The following DIS3L2 variants were observed in gnomAD, a reference collection of about 807,000 sequenced individuals.
The protein encoded by DIS3L2 is DIS3-like exonuclease 2.
Under a neutral mutation model 97.5 loss-of-function variants are expected in DIS3L2, and 34 were observed. The ratio of observed to expected loss-of-function variants is 0.35; its 90% confidence interval spans 0.27 to 0.46. The LOEUF (loss-of-function observed/expected upper bound fraction) is 0.46, where lower values mean the gene tolerates loss of function less well. Ranked by LOEUF, DIS3L2 falls within the 20% of genes least tolerant of loss-of-function variation. The pLI is 1.00. For missense variants in DIS3L2, 1,038 were observed against 1,146.0 expected (o/e 0.91, Z 1.36); for synonymous variants, 435 against 445.2 (o/e 0.98, Z 0.29).
At chr2:232,154,468 GGT>G (rs2106368709) in intron 8 of DIS3L2, among the ~76,000 whole-genome samples, 1 of 28,202 alleles carries the variant, frequency 3.5e-5, no homozygotes, top group East Asian at 9.4e-4. Flanking sequence ...TGCCGTGTGA[GGT>G]GTCAGTGTGC....
Position 232,276,651 on chromosome 2 carries a change from A to G in DIS3L2, c.1659+13211A>G, listed in dbSNP as rs891737689. 2.6e-5 allele frequency among the ~76,000 whole-genome samples: 4 copies of G among 152,146 alleles called. No homozygotes were observed. Among genetic ancestry groups the G allele is most frequent in the African/African-American group, 9.7e-5 (4 of 41,424 alleles). ...ACCAGCTTCCAGTCAATGACTGTTTATTTGAACATCTCCTGCGCAACAAGA... is the reference window on the plus strand; with the variant it reads ...ACCAGCTTCCAGTCAATGACTGTTTGTTTGAACATCTCCTGCGCAACAAGA... On this transcript the variant is annotated intron_variant, in intron 13 of 20. Transcript: ENST00000325385. This position sits in a 1 kb window ranked among gnomAD's most constrained non-coding sequence, Gnocchi z 4.4.
intron 20 of DIS3L2, chr2:232,336,091 AGAG>A: frequency 6.5e-7 from 1 of 1,543,304 alleles, no homozygotes; most frequent in East Asian, 2.5e-5. Flanking sequence ...CACAGTGGAG[AGAG>A]GAGGGGCTCT....
At chr2:232,061,640 C>G (rs1373517169) in intron 5 of DIS3L2, among the ~76,000 whole-genome samples, 1 of 152,174 alleles carries the variant, frequency 6.6e-6, no homozygotes, top group African/African-American at 2.4e-5. Flanking sequence ...GGCAGCCAGT[C>G]TAGCCTCAGA....
At chr2:232,089,250 G>C (rs967204913) in intron 6 of DIS3L2, among the ~76,000 whole-genome samples, 1 of 152,192 alleles carries the variant, frequency 6.6e-6, no homozygotes, top group Non-Finnish European at 1.5e-5. Context: ...TGACTGAAGA[G>C]GCTACTACTT....
chr2:232,048,710 G>A (rs1455122933), intron 5 of DIS3L2, among the ~76,000 whole-genome samples: 1 of 151,088 alleles, frequency 6.6e-6, no homozygotes, highest in Non-Finnish European at 1.5e-5. Context: ...CAGCCTGGGC[G>A]ATAGAGCAAG....
At chr2:232,330,109 G>A (rs1177625389) in intron 15 of DIS3L2, 113 bp downstream of exon 15, 1 of 1,321,998 alleles carries the variant, frequency 7.6e-7, no homozygotes, top group African/African-American at 1.5e-5. Context: ...CTCCCCTTCA[G>A]CCAGGTCTCT....
At chr2:232,248,515 T>C (rs550921343) in intron 11 of DIS3L2, among the ~76,000 whole-genome samples, 1 of 152,154 alleles carries the variant, frequency 6.6e-6, no homozygotes, top group South Asian at 2.1e-4. Flanking sequence ...ACAAGTAATA[T>C]TTTGGGACAA....
chr2:232,213,532 A>G (rs556427448), intron 10 of DIS3L2, among the ~76,000 whole-genome samples: 4 of 152,146 alleles, frequency 2.6e-5, no homozygotes, highest in East Asian at 1.9e-4. Context: ...TCCAGTTTGG[A>G]TTGGGGTGAG....
intron 6 of DIS3L2, among the ~76,000 whole-genome samples, chr2:232,105,076 C>A (rs372257742): frequency 1.3e-5 from 2 of 152,148 alleles, no homozygotes; most frequent in African/African-American, 2.4e-5. Context: ...CCCTGGCCCC[C>A]CAAAGTGCTG....
chr2:232,029,884 T>C, intron 4 of DIS3L2, 95 bp from the exon 5 acceptor site: 1 of 844,474 alleles, frequency 1.2e-6, no homozygotes, highest in Non-Finnish European at 1.9e-6. Flanking sequence ...AAGAATAACT[T>C]GCTGTTTTCT....
chr2:232,329,588 G>A, intron 14 of DIS3L2: 1 of 441,756 alleles, frequency 2.3e-6, no homozygotes, highest in Non-Finnish European at 4.0e-6. Flanking sequence ...GAGCTAACCA[G>A]TCAGAGGAGA....
intron 8 of DIS3L2, among the ~76,000 whole-genome samples, chr2:232,155,123 A>G (rs970561802): frequency 4.0e-5 from 6 of 150,518 alleles, no homozygotes; most frequent in African/African-American, 1.2e-4. Flanking sequence ...AGTGAGATGA[A>G]CCCGGTACCT....
At chr2:232,023,644 G>A (rs1694578399) in intron 3 of DIS3L2, among the ~76,000 whole-genome samples, 2 of 152,124 alleles carry the variant, frequency 1.3e-5, no homozygotes, top group Non-Finnish European at 2.9e-5. Flanking sequence ...CCCTGATTTG[G>A]TGCTGGAATA....
intron 20 of DIS3L2, chr2:232,336,188 TTGTC>T (rs1001604417): frequency 7.2e-6 from 11 of 1,532,130 alleles, no homozygotes; most frequent in Admixed American, 2.0e-5. Flanking sequence ...ACCCAAGAAA[TTGTC>T]TGGAACCGTT....
chr2:232,331,949 A>T (rs1304705543), intron 16 of DIS3L2: 1 of 152,306 alleles, frequency 6.6e-6, no homozygotes, highest in Non-Finnish European at 1.5e-5. Context: ...CCTGTTCCTC[A>T]GCCCCGGGAA....
intron 14 of DIS3L2, among the ~76,000 whole-genome samples, chr2:232,315,650 A>G (rs1695251684): frequency 6.6e-6 from 1 of 151,846 alleles, no homozygotes; most frequent in Admixed American, 6.6e-5. Flanking sequence ...ATGGCTATAA[A>G]TCGCCTAGTG....
intron 8 of DIS3L2, among the ~76,000 whole-genome samples, chr2:232,137,588 G>A (rs188297376): frequency 2.9e-4 from 44 of 152,312 alleles, no homozygotes; most frequent in African/African-American, 7.7e-4. Context: ...GGGTAGGAGA[G>A]TCAGCACTGA....
At chr2:232,147,115 T>C (rs1022697891) in intron 8 of DIS3L2, among the ~76,000 whole-genome samples, 1 of 152,142 alleles carries the variant, frequency 6.6e-6, no homozygotes, top group Non-Finnish European at 1.5e-5. Flanking sequence ...CTCCAAGATT[T>C]TTAAAATAAA....
chr2:232,245,519 C>T lies in DIS3L2; in HGVS notation c.1318-3720C>T, dbSNP rs545832590. Among the ~76,000 whole-genome samples, 2 of 152,326 alleles carry T rather than the reference C, an allele frequency of 1.3e-5. 1 individual carries two copies. The highest frequency in any genetic ancestry group is 4.1e-4 in the South Asian group (2 of 4,826). ...GATTGTAACCTCTTAATTCCTTTTC[C>T]TTTGAAACATAGAGGAATAACCATC... On this transcript the variant is annotated intron_variant, in intron 11 of 20. Coordinates refer to ENST00000325385, the MANE Select transcript of DIS3L2 (RefSeq NM_152383.5).
Sources: allele counts gnomAD v4.1 joint callset (sites outside exome capture counted in the v4.1 genomes callset), GRCh38; gene constraint gnomAD v4.1.1; non-coding constraint Gnocchi (gnomAD v3.1); transcripts MANE v1.5; gene names NCBI Gene and HGNC (gene_info 2026-07-23, HGNC 2026-07-21).